The following AP3B1 variants were observed in gnomAD, a reference collection of about 807,000 sequenced individuals.
AP3B1 encodes adaptor related protein complex 3 subunit beta 1.
In AP3B1, 61 loss-of-function variants were observed where a neutral mutation model predicts 132.5. That is an observed-to-expected ratio of 0.46 (90% CI 0.37 to 0.57). The LOEUF (loss-of-function observed/expected upper bound fraction) is 0.57, where lower values mean the gene tolerates loss of function less well. Ranked by LOEUF, AP3B1 falls within the 20% of genes least tolerant of loss-of-function variation. The pLI, the probability that AP3B1 is intolerant of heterozygous loss-of-function variation, is 0.00. For synonymous variants in AP3B1, 388 were observed against 438.3 expected (o/e 0.89, Z 1.43); for missense variants, 1,120 against 1,289.4 (o/e 0.87, Z 2.01).
At chr5:78,094,436 G>A (rs183054529) in intron 21 of AP3B1, among the ~76,000 whole-genome samples, 5 of 152,202 alleles carry the variant, frequency 3.3e-5, no homozygotes, top group African/African-American at 7.2e-5. Context: ...CCACTAAACC[G>A]ATTAAAAGCA....
chr5:78,184,529 A>G (rs890346254), intron 7 of AP3B1, among the ~76,000 whole-genome samples: 1 of 151,756 alleles, frequency 6.6e-6, no homozygotes, highest in Non-Finnish European at 1.5e-5. Flanking sequence ...TACTAAAAAA[A>G]TACAAAAAAG....
chr5:78,156,164 C>T, intron 14 of AP3B1, 94 bp downstream of exon 14: 2 of 887,058 alleles, frequency 2.3e-6, no homozygotes, highest in Non-Finnish European at 3.8e-6. Context: ...CACTTCAGCT[C>T]TCCTAACCAT....
At chr5:78,240,051 C>T (rs1006295412) in intron 3 of AP3B1, among the ~76,000 whole-genome samples, 3 of 152,162 alleles carry the variant, frequency 2.0e-5, no homozygotes, top group Non-Finnish European at 4.4e-5. Flanking sequence ...TGAAATCACA[C>T]ACCCATCCTC....
At chr5:78,177,037 A>G (rs1056163358) in intron 9 of AP3B1, among the ~76,000 whole-genome samples, 4 of 152,180 alleles carry the variant, frequency 2.6e-5, no homozygotes, top group African/African-American at 9.7e-5. Context: ...CCCAAACATC[A>G]TTATTGCCAT....
chr5:78,093,191 T>C (rs181459594), intron 21 of AP3B1, among the ~76,000 whole-genome samples: 77 of 152,160 alleles, frequency 5.1e-4, no homozygotes, highest in African/African-American at 1.8e-3. Flanking sequence ...ATAAAGAACG[T>C]AGGTTTTGTT....
At position 78,081,902 on chromosome 5, in the gene AP3B1, T is replaced by TA. The variant is rs5868901; in HGVS notation, c.2577+7490dup. On this transcript the variant is annotated intron_variant, in intron 22 of 26. Transcript: ENST00000255194. ...TACTTTTAGTATGAATTCTTTGCAA[T>TA]AAAAAAAAAAAACAGTTATAATCCC... Among the ~76,000 whole-genome samples, 762 of 144,518 alleles carry TA rather than the reference T, an allele frequency of 5.3e-3. 2 individuals carry two copies. Among genetic ancestry groups the TA allele is most frequent in the East Asian group, 8.4e-3 (42 of 4,978 alleles). The allele number at this position is 144,518 out of a possible 152,430, so 94.8% of individuals were successfully genotyped here.
intron 2 of AP3B1, among the ~76,000 whole-genome samples, chr5:78,247,041 GACTTTT>G (rs1229152522): frequency 1.3e-5 from 2 of 151,634 alleles, no homozygotes; most frequent in Non-Finnish European, 2.9e-5. Context: ...ATTTCCTTGT[GACTTTT>G]ACTTTGACTT....
intron 1 of AP3B1, among the ~76,000 whole-genome samples, chr5:78,273,263 G>A (rs1748627624): frequency 6.6e-6 from 1 of 152,134 alleles, no homozygotes; most frequent in Non-Finnish European, 1.5e-5. Context: ...AAAGTAGCCA[G>A]GTGTGGTGAC....
intron 1 of AP3B1, among the ~76,000 whole-genome samples, chr5:78,292,422 C>A (rs1354084901): frequency 6.6e-6 from 1 of 152,132 alleles, no homozygotes; most frequent in Admixed American, 6.5e-5. Context: ...TGTATGCACT[C>A]ACTAATAAAA....
intron 22 of AP3B1, among the ~76,000 whole-genome samples, chr5:78,051,239 G>A (rs907000867): frequency 3.9e-5 from 6 of 152,102 alleles, no homozygotes; most frequent in African/African-American, 9.7e-5. Flanking sequence ...GACAGACAGC[G>A]TGCAATTTTA....
At chr5:78,183,705 C>T (rs1744469606) in intron 7 of AP3B1, among the ~76,000 whole-genome samples, 2 of 150,406 alleles carry the variant, frequency 1.3e-5, no homozygotes, top group Middle Eastern at 3.5e-3. Flanking sequence ...CCCTGTCTCA[C>T]TAAAAATACA....
chr5:78,170,601 G>A (rs1743869356), intron 11 of AP3B1, among the ~76,000 whole-genome samples: 1 of 151,228 alleles, frequency 6.6e-6, no homozygotes, highest in Admixed American at 6.6e-5. Flanking sequence ...TTCTGATGGG[G>A]TTGCTCTTTT....
intron 24 of AP3B1, among the ~76,000 whole-genome samples, chr5:78,032,576 C>T (rs780976848): frequency 2.0e-4 from 30 of 151,986 alleles, no homozygotes; most frequent in Non-Finnish European, 3.5e-4. Flanking sequence ...CACTGTCGAT[C>T]GGTTTCCATT....
In AP3B1 at chr5:78,002,796, C is replaced by T; in HGVS notation, c.*106G>A. 1 of 1,265,212 alleles carries T rather than the reference C, an allele frequency of 7.9e-7. No homozygotes were observed. Among genetic ancestry groups the T allele is most frequent in the Non-Finnish European group, 1.2e-6 (1 of 862,586 alleles). The allele number at this position is 1,265,212 out of a possible 1,614,324, so 78.4% of individuals were successfully genotyped here. A position where few individuals can be genotyped will look rare whatever the true frequency, so the allele number is the denominator to read the frequency against. ...ACAAGAATGTCAAGAGTGTATTCTA[C>T]CCCCACTGCCAGATGGAAGGGCTAT... On this transcript the variant is annotated 3_prime_UTR_variant, in exon 27 of 27. Transcript: ENST00000255194.
intron 7 of AP3B1, among the ~76,000 whole-genome samples, chr5:78,203,492 A>C (rs1167071411): frequency 6.6e-6 from 1 of 152,104 alleles, no homozygotes; most frequent in East Asian, 1.9e-4. Context: ...CACTCTTGAC[A>C]TGTGGGGATT....
At chr5:78,260,728 A>T (rs1748055273) in intron 2 of AP3B1, among the ~76,000 whole-genome samples, 1 of 152,222 alleles carries the variant, frequency 6.6e-6, no homozygotes, top group Admixed American at 6.5e-5. Flanking sequence ...TTTAAAATAA[A>T]TGTCCAAAAT....
rs373234592 is a variant in AP3B1, at chr5:78,175,159, C to T, written c.1167+467G>A. Among the ~76,000 whole-genome samples the T allele has an allele frequency of 2.2e-4, 33 of 152,320 alleles. No individual in the cohort carries two copies. In the East Asian group the frequency reaches 4.4e-3, roughly 21 times the overall value. ...CCGTGGCTAGGAAAGGGAAATCACC[C>T]GACCTCTTGTGCTTCCTGGGTGAGG... is the stretch of plus-strand genomic sequence containing the variant. On this transcript the variant is annotated intron_variant, in intron 11 of 26. Transcript: ENST00000255194.
intron 21 of AP3B1, among the ~76,000 whole-genome samples, chr5:78,096,059 G>C (rs562159914): frequency 9.9e-5 from 15 of 152,182 alleles, no homozygotes; most frequent in East Asian, 9.7e-4. Context: ...CTCTGATGCC[G>C]AGCTGAAGCT....
intron 24 of AP3B1, among the ~76,000 whole-genome samples, chr5:78,025,544 GT>G (rs2112075804): frequency 6.6e-6 from 1 of 152,296 alleles, no homozygotes; most frequent in East Asian, 1.9e-4. Context: ...TTCTGAGAAA[GT>G]TTTGCTTTTC....
Sources: gnomAD v4.1 joint callset for allele counts (sites outside exome capture counted in the v4.1 genomes callset) on GRCh38, gnomAD v4.1.1 for gene constraint, MANE v1.5 for transcripts, NCBI Gene and HGNC (gene_info 2026-07-23, HGNC 2026-07-21) for gene names.